The following BRCA1 variants were observed in gnomAD, a reference collection of about 807,000 sequenced individuals.
BRCA1 encodes the protein BRCA1 DNA repair associated, also known as breast cancer type 1 susceptibility protein.
A neutral mutation model predicts 173.7 loss-of-function variants in BRCA1; 140 were observed. The observed-to-expected ratio is 0.81, with a 90% CI of 0.70 to 0.93. The LOEUF is 0.93. Ranked by LOEUF, BRCA1 falls within the 40% of genes least tolerant of loss-of-function variation. The pLI is 0.00. For missense variants in BRCA1, 1,983 were observed against 2,172.5 expected (o/e 0.91, Z 1.73); for synonymous variants, 662 against 756.0 (o/e 0.88, Z 2.04).
chr17:43,133,373 T>A (rs1443551261), intron 1 of BRCA1, among the ~76,000 whole-genome samples: 4 of 152,164 alleles, frequency 2.6e-5, no homozygotes, highest in Non-Finnish European at 5.9e-5. Flanking sequence ...CCCAAATTCT[T>A]GGATCTCATC....
intron 6 of BRCA1, among the ~76,000 whole-genome samples, chr17:43,102,390 C>T: frequency 9.2e-6 from 1 of 108,210 alleles, no homozygotes; most frequent in African/African-American, 3.5e-5. Context: ...CGGAGTCTCG[C>T]TCTGTCGCCA....
At chr17:43,062,083 A>G (rs1446093298) in intron 18 of BRCA1, among the ~76,000 whole-genome samples, 1 of 151,974 alleles carries the variant, frequency 6.6e-6, no homozygotes, top group African/African-American at 2.4e-5. Flanking sequence ...GTATATATGC[A>G]TATGCACACA....
At chr17:43,073,308 C>T (rs905873335) in intron 14 of BRCA1, among the ~76,000 whole-genome samples, 9 of 152,036 alleles carry the variant, frequency 5.9e-5, no homozygotes, top group Admixed American at 2.6e-4. Flanking sequence ...AAGGTAATGA[C>T]ACCATTACTT....
chr17:43,106,635 C>CT, intron 3 of BRCA1, 102 bp from the exon 4 acceptor site: 3 of 836,954 alleles, frequency 3.6e-6, no homozygotes, highest in Middle Eastern at 3.6e-4. Flanking sequence ...CACAACTGCC[C>CT]TTAAGAGCCA....
At chr17:43,051,927 G>T (rs552774490) in intron 19 of BRCA1, among the ~76,000 whole-genome samples, 1 of 152,128 alleles carries the variant, frequency 6.6e-6, no homozygotes, top group Non-Finnish European at 1.5e-5. Flanking sequence ...AAGCCACTGC[G>T]CCCGGCCCTC....
intron 1 of BRCA1, among the ~76,000 whole-genome samples, chr17:43,131,754 C>A (rs1034467502): frequency 1.3e-5 from 2 of 150,816 alleles, no homozygotes; most frequent in East Asian, 2.0e-4. Context: ...TTTTTATTTT[C>A]TTTTCTTTTC....
chr17:43,078,477 G>A (rs188507721), intron 12 of BRCA1, among the ~76,000 whole-genome samples: 79 of 152,254 alleles, frequency 5.2e-4, no homozygotes, highest in East Asian at 4.0e-3. Flanking sequence ...TGGCCAAGGC[G>A]GAAATATTTA....
chr17:43,061,979 C>T lies in BRCA1; in HGVS notation c.5193+1354G>A, dbSNP rs8176265. On this transcript the variant is annotated intron_variant, in intron 18 of 22. Coordinates refer to ENST00000357654, the MANE Select transcript of BRCA1 (RefSeq NM_007294.4). ...AATTATTCCTCCTCCTACACTCTAT[C>T]TTATTTACTTCTCACTGTTCTCAGT... 0.29 allele frequency among the ~76,000 whole-genome samples: 44,681 copies of T among 151,992 alleles called. 7,170 individuals are homozygous for T. Among genetic ancestry groups the T allele is most frequent in the South Asian group, 0.49 (2,371 of 4,820 alleles).
rs141660808 is a variant in BRCA1 at position 43,074,086 on chromosome 17, C to T, written c.4675+245G>A. Among the ~76,000 whole-genome samples, 468 of 152,154 alleles carry T rather than the reference C, an allele frequency of 3.1e-3. 1 individual carries two copies. Among genetic ancestry groups the T allele is most frequent in the Non-Finnish European group, 4.3e-3 (295 of 68,006 alleles). On this transcript the variant is annotated intron_variant, in intron 14 of 22. Coordinates refer to ENST00000357654, the MANE Select transcript of BRCA1 (RefSeq NM_007294.4). ...ATAATACATTTAGAGTACACCAAGA[C>T]TCCCTCATCCTCAAAATCATTAGTT...
intron 21 of BRCA1, among the ~76,000 whole-genome samples, chr17:43,048,209 CTCTT>C (rs1159756359): frequency 1.3e-5 from 2 of 151,588 alleles, no homozygotes; most frequent in African/African-American, 4.8e-5. Flanking sequence ...TTCTCTCTCT[CTCTT>C]TTTTTTTGAG....
chr17:43,092,608 G>T lies in BRCA1; in HGVS notation c.2923C>A (p.Gln975Lys), dbSNP rs80357497. 6.2e-7 allele frequency: 1 copy of T among 1,613,988 alleles called. No homozygotes were observed. The change falls in exon 10 of 23, where the codon CAA (glutamine) becomes AAA (lysine). Residue 975 changes from glutamine (Q) to lysine (K), a missense_variant. Coordinates refer to ENST00000357654, the MANE Select transcript of BRCA1 (RefSeq NM_007294.4). ...LITPNKHGLLQNPYRIPPLFP... is the reference protein window; with the variant it reads ...LITPNKHGLLKNPYRIPPLFP... ...AGTGGTGGTATACGATATGGGTTTT[G>T]TAAAAGTCCATGTTTATTTGGAGTA...
chr17:43,137,189 C>T (rs1174271175), intron 1 of BRCA1, among the ~76,000 whole-genome samples: 10 of 146,916 alleles, frequency 6.8e-5, no homozygotes. Context: ...GGACAGAAAA[C>T]CAAACACCAC....
chr17:43,138,815 T>C, intron 1 of BRCA1: 1 of 778,738 alleles, frequency 1.3e-6, no homozygotes, highest in Non-Finnish European at 2.4e-6. Context: ...TCAGCTGGAC[T>C]CCATACTCCC....
At chr17:43,053,641 T>G (rs2051341531) in intron 19 of BRCA1, among the ~76,000 whole-genome samples, 1 of 151,254 alleles carries the variant, frequency 6.6e-6, no homozygotes, top group Non-Finnish European at 1.5e-5. Flanking sequence ...CACTCCAGCC[T>G]GGGTGACATA....
intron 22 of BRCA1, among the ~76,000 whole-genome samples, chr17:43,047,079 AT>A (rs1433291475): frequency 6.6e-6 from 1 of 151,940 alleles, no homozygotes; most frequent in Non-Finnish European, 1.5e-5. Flanking sequence ...GGATTATTTT[AT>A]TGTTTTTGTG....
rs2053717743 is a variant in BRCA1, at chr17:43,092,859, G to A, written c.2672C>T (p.Ser891Phe). ...ECATFSAHSG[S>F]LKKQSPKVTF... Reference sequence around the variant, plus strand: ...GACTTTTGGACTTTGTTTCTTTAAGGACCCAGAGTGGGCAGAGAATGTTGC... The same window carrying A: ...GACTTTTGGACTTTGTTTCTTTAAGAACCCAGAGTGGGCAGAGAATGTTGC... Residue 891 changes from serine to phenylalanine, a missense_variant, in exon 10 of 23, where the codon TCC (serine) becomes TTC (phenylalanine). Coordinates refer to ENST00000357654, the MANE Select transcript of BRCA1 (RefSeq NM_007294.4). 6.2e-7 allele frequency: 1 copy of A among 1,613,860 alleles called. No individual in the cohort carries two copies. Among genetic ancestry groups the A allele is most frequent in the East Asian group, 2.2e-5 (1 of 44,870 alleles).
intron 1 of BRCA1, chr17:43,144,875 G>A: frequency 3.8e-6 from 2 of 523,308 alleles, no homozygotes; most frequent in East Asian, 5.1e-5. Flanking sequence ...GAGTGGCAGC[G>A]GCCAGGCAGC....
chr17:43,143,742 GA>G (rs2056096737), intron 1 of BRCA1, among the ~76,000 whole-genome samples: 1 of 152,242 alleles, frequency 6.6e-6, no homozygotes, highest in Admixed American at 6.5e-5. Context: ...ATCAGCGGGG[GA>G]TGGGGAGAGG....
chr17:43,130,537 C>T (rs2055956833), intron 1 of BRCA1, among the ~76,000 whole-genome samples: 3 of 152,168 alleles, frequency 2.0e-5, no homozygotes, highest in Admixed American at 6.5e-5. Flanking sequence ...TGGTCTCGAA[C>T]TCCTGGACTC....
Sources: gnomAD v4.1 joint callset for allele counts (sites outside exome capture counted in the v4.1 genomes callset) on GRCh38, gnomAD v4.1.1 for gene constraint, MANE v1.5 for transcripts, NCBI Gene and HGNC (gene_info 2026-07-23, HGNC 2026-07-21) for gene names.